The following TMEM117 variants were observed in gnomAD, a reference collection of about 807,000 sequenced individuals.
The protein encoded by TMEM117 is transmembrane protein 117.
TMEM117 carries 27 observed loss-of-function variants against 52.4 expected under a neutral mutation model. The ratio of observed to expected loss-of-function variants is 0.51; its 90% confidence interval spans 0.38 to 0.71. TMEM117 has a LOEUF of 0.71. Among genes scored for constraint, TMEM117 ranks in the 30% least tolerant of loss-of-function variants. The pLI is 0.00. For synonymous variants in TMEM117, 215 were observed against 206.3 expected (o/e 1.04, Z -0.36); for missense variants, 556 against 630.5 (o/e 0.88, Z 1.26).
intron 6 of TMEM117, among the ~76,000 whole-genome samples, chr12:44,353,356 C>T (rs1388009225): frequency 2.0e-5 from 3 of 152,150 alleles, no homozygotes; most frequent in Non-Finnish European, 1.5e-5. Context: ...GTGTTTTAGA[C>T]ATGAAGTCCT....
chr12:44,239,044 C>T (rs1191259878), intron 5 of TMEM117, among the ~76,000 whole-genome samples: 2 of 152,106 alleles, frequency 1.3e-5, no homozygotes, highest in African/African-American at 2.4e-5. Flanking sequence ...ATAGGTTTCT[C>T]CATTTTTCAA....
intron 6 of TMEM117, among the ~76,000 whole-genome samples, chr12:44,333,806 T>G (rs1027374581): frequency 1.3e-5 from 2 of 151,862 alleles, no homozygotes; most frequent in Non-Finnish European, 2.9e-5. Flanking sequence ...TAAAGAGAGA[T>G]AGGAAAACAC....
intron 5 of TMEM117, among the ~76,000 whole-genome samples, chr12:44,254,827 G>C (rs1950240041): frequency 6.7e-6 from 1 of 149,898 alleles, no homozygotes; most frequent in African/African-American, 2.5e-5. Context: ...CCCCACAACA[G>C]TACCCGGAGT....
At chr12:44,180,981 T>A (rs1413837550) in intron 4 of TMEM117, among the ~76,000 whole-genome samples, 1 of 152,084 alleles carries the variant, frequency 6.6e-6, no homozygotes, top group Non-Finnish European at 1.5e-5. Context: ...AGTGTAAAAG[T>A]GTTCCTATTT....
intron 3 of TMEM117, among the ~76,000 whole-genome samples, chr12:43,952,389 C>G (rs1029227510): frequency 2.0e-5 from 3 of 151,960 alleles, no homozygotes; most frequent in African/African-American, 7.3e-5. Flanking sequence ...AGCTAAGACC[C>G]ATGATAAAAC....
At chr12:44,145,111 C>A (rs552735800) in intron 4 of TMEM117, among the ~76,000 whole-genome samples, 1 of 152,152 alleles carries the variant, frequency 6.6e-6, no homozygotes, top group East Asian at 1.9e-4. Flanking sequence ...GAGCCGAGAT[C>A]GCGCCACTGA....
intron 3 of TMEM117, among the ~76,000 whole-genome samples, chr12:44,069,747 G>A (rs1187963473): frequency 6.6e-6 from 1 of 152,200 alleles, no homozygotes; most frequent in Non-Finnish European, 1.5e-5. Flanking sequence ...TTGTCTGTAA[G>A]CAACAAAATA....
At chr12:44,394,952 A>G in the TMEM117 span, among the ~76,000 whole-genome samples, 4 of 152,218 alleles carry the variant, frequency 2.6e-5, no homozygotes, top group African/African-American at 9.6e-5. Context: ...AAACAGTGTC[A>G]GGGTTTTCCA....
intron 6 of TMEM117, among the ~76,000 whole-genome samples, chr12:44,313,412 TG>T (rs1951015823): frequency 6.6e-6 from 1 of 152,238 alleles, no homozygotes; most frequent in Non-Finnish European, 1.5e-5. Context: ...AAAGGTCAGA[TG>T]GCTGTAGGTG....
chr12:44,392,693 G>T (rs778122843), downstream of TMEM117, among the ~76,000 whole-genome samples: 12 of 137,898 alleles, frequency 8.7e-5, no homozygotes, highest in Non-Finnish European at 1.4e-4. Flanking sequence ...CCCACGACAG[G>T]CCCCGGGGTG....
chr12:44,105,098 C>T (rs1191565614), intron 3 of TMEM117, among the ~76,000 whole-genome samples: 1 of 151,848 alleles, frequency 6.6e-6, no homozygotes, highest in Non-Finnish European at 1.5e-5. Context: ...CTGTTAGTCC[C>T]ACTAAGCTTA....
chr12:43,945,758 C>T (rs909025558), intron 3 of TMEM117, among the ~76,000 whole-genome samples: 9 of 152,166 alleles, frequency 5.9e-5, no homozygotes, highest in Admixed American at 1.3e-4. Context: ...GATCTATTTT[C>T]CCCAATAGAT....
chr12:43,836,081 A>T lies in TMEM117; in HGVS notation c.-144A>T, dbSNP rs1469339736. On this transcript the variant is annotated 5_prime_UTR_variant, in exon 1 of 8. Coordinates refer to ENST00000266534, the MANE Select transcript of TMEM117 (RefSeq NM_032256.3). ...ATAGCTCCGTGACAGCAGCAGCGGCAGCGACGCCGCCGGCCCGTCTCGCCG... is the reference window on the plus strand; with the variant it reads ...ATAGCTCCGTGACAGCAGCAGCGGCTGCGACGCCGCCGGCCCGTCTCGCCG... 1 of 151,814 alleles carries T rather than the reference A, an allele frequency of 6.6e-6. No homozygotes were observed. Among genetic ancestry groups the T allele is most frequent in the East Asian group, 1.9e-4 (1 of 5,148 alleles). 9.4% of individuals were successfully genotyped at this position (151,814 alleles called of 1,614,324 possible).
chr12:44,183,773 G>T (rs1949238368), intron 4 of TMEM117, among the ~76,000 whole-genome samples: 1 of 152,156 alleles, frequency 6.6e-6, no homozygotes. Context: ...TTCGGCCTGG[G>T]TGTATCACAT....
chr12:44,169,903 A>G (rs917505099), intron 4 of TMEM117, among the ~76,000 whole-genome samples: 2 of 152,178 alleles, frequency 1.3e-5, no homozygotes, highest in South Asian at 2.1e-4. Flanking sequence ...TCAAGGATCT[A>G]GAACTAGAGA....
At chr12:44,253,875 C>T (rs1308824581) in intron 5 of TMEM117, among the ~76,000 whole-genome samples, 2 of 149,890 alleles carry the variant, frequency 1.3e-5, no homozygotes, top group Admixed American at 1.3e-4. Context: ...CACACACACA[C>T]ACCTTCTCTC....
At chr12:44,392,454 A>G (rs530585207), downstream of TMEM117, among the ~76,000 whole-genome samples, 33 of 152,106 alleles carry the variant, frequency 2.2e-4, no homozygotes, top group Non-Finnish European at 4.0e-4. Flanking sequence ...GTTATGTTCA[A>G]CATAGCTGAC....
At chr12:44,030,656 G>A (rs1946619053) in intron 3 of TMEM117, among the ~76,000 whole-genome samples, 1 of 152,144 alleles carries the variant, frequency 6.6e-6, no homozygotes, top group South Asian at 2.1e-4. Flanking sequence ...ACCTATATAT[G>A]CCTAGTGTTC....
chr12:43,927,295 G>T (rs1235414441), intron 2 of TMEM117, among the ~76,000 whole-genome samples: 1 of 151,954 alleles, frequency 6.6e-6, no homozygotes, highest in African/African-American at 2.4e-5. Context: ...CTTCACTGAG[G>T]TTTGTTTTGT....
Sources: gnomAD v4.1 joint callset for allele counts (sites outside exome capture counted in the v4.1 genomes callset) on GRCh38, gnomAD v4.1.1 for gene constraint, MANE v1.5 for transcripts, NCBI Gene and HGNC (gene_info 2026-07-23, HGNC 2026-07-21) for gene names.